Variants in KLHL1 observed in about 807,000 individuals in gnomAD.
KLHL1 encodes kelch like family member 1.
In KLHL1, 47 loss-of-function variants were observed where a neutral mutation model predicts 77.7. That is an observed-to-expected ratio of 0.60 (90% CI 0.48 to 0.77). The LOEUF (loss-of-function observed/expected upper bound fraction) is 0.77. Ranked by LOEUF, KLHL1 falls within the 30% of genes least tolerant of loss-of-function variation. The pLI is 0.00. For synonymous variants in KLHL1, 360 were observed against 325.2 expected, an observed-to-expected ratio of 1.11 and a Z score of -1.15; for missense variants, 925 against 910.8, an observed-to-expected ratio of 1.02 and a Z score of -0.20.
At chr13:70,026,701 AG>A (rs879829764) in intron 1 of KLHL1, among the ~76,000 whole-genome samples, 88,261 of 139,284 alleles carry the variant, frequency 0.63, 28,012 homozygotes, top group East Asian at 0.82. Flanking sequence ...TTAAGAACTT[AG>A]GGTGTGTGTG....
intron 4 of KLHL1, among the ~76,000 whole-genome samples, chr13:69,890,102 G>T (rs9599521): frequency 0.076 from 11,599 of 151,740 alleles, 475 homozygotes; most frequent in Middle Eastern, 0.1. Flanking sequence ...CTAGTGAGGG[G>T]GACAGTATAG....
At chr13:69,971,726 A>G (rs1439110668) in intron 2 of KLHL1, among the ~76,000 whole-genome samples, 3 of 152,034 alleles carry the variant, frequency 2.0e-5, no homozygotes, top group African/African-American at 7.2e-5. Flanking sequence ...GTTATTTGCA[A>G]CTATAATAAT....
At chr13:69,771,716 GCTT>G (rs1244423613) in intron 7 of KLHL1, among the ~76,000 whole-genome samples, 2 of 152,004 alleles carry the variant, frequency 1.3e-5, no homozygotes, top group Non-Finnish European at 2.9e-5. Flanking sequence ...AGATTTGGGG[GCTT>G]CTTCATTGAT....
chr13:69,723,840 A>ATTTT (rs746350927), intron 8 of KLHL1, among the ~76,000 whole-genome samples: 5,778 of 58,122 alleles, frequency 0.099, 435 homozygotes, highest in African/African-American at 0.2. Context: ...GCCAGTCAGA[A>ATTTT]TTTTTTTTTT....
At chr13:69,896,778 C>T (rs1881659859) in intron 4 of KLHL1, among the ~76,000 whole-genome samples, 1 of 151,692 alleles carries the variant, frequency 6.6e-6, no homozygotes, top group Non-Finnish European at 1.5e-5. Flanking sequence ...AAGCAATTCT[C>T]CTGCCTCAGC....
chr13:69,796,402 C>T (rs1877108966), intron 7 of KLHL1, among the ~76,000 whole-genome samples: 1 of 152,168 alleles, frequency 6.6e-6, no homozygotes, highest in African/African-American at 2.4e-5. Flanking sequence ...GTAATGAGGT[C>T]TTGTTCTATT....
rs943767149 is a variant in KLHL1, at chr13:69,740,432, A to G, written c.1764T>C (p.Ile588=). 7 of 1,610,438 alleles carry G rather than the reference A, an allele frequency of 4.3e-6. No individual in the cohort carries two copies. The African/African-American group carries it at 8.0e-5, about 18-fold the overall frequency. The change falls in exon 8 of 11, where the codon ATT becomes ATC. Residue 588 remains isoleucine, a synonymous_variant. Coordinates refer to ENST00000377844, the MANE Select transcript of KLHL1 (RefSeq NM_020866.3). Reference sequence around the variant, plus strand: ...CTGCTACACCAACTGTGCTCCGAGCAATTGACATACTGGCTACAAATGTCC... The same window carrying G: ...CTGCTACACCAACTGTGCTCCGAGCGATTGACATACTGGCTACAAATGTCC... ...QQWTFVASMS[I]ARSTVGVAAL... is the part of the protein sequence containing the mutation.
At chr13:70,059,418 C>T (rs1488526839) in intron 1 of KLHL1, among the ~76,000 whole-genome samples, 2 of 152,150 alleles carry the variant, frequency 1.3e-5, no homozygotes, top group Non-Finnish European at 2.9e-5. Context: ...GATCCACCTG[C>T]CTTGGCCTCC....
chr13:69,978,623 A>G lies in KLHL1; in HGVS notation c.498-2821T>C, dbSNP rs1230234121. 2.0e-5 allele frequency among the ~76,000 whole-genome samples: 3 copies of G among 151,550 alleles called. No homozygotes were observed. In the South Asian group the frequency reaches 6.3e-4, roughly 32 times the overall value. On this transcript the variant is annotated intron_variant, in intron 1 of 10. Transcript: ENST00000377844. Reference sequence around the variant, plus strand: ...TGCCTCAGCCTCCTGAGTAGCTGGGATTACAGGCATGCACCACCATGCCCG... The same window carrying G: ...TGCCTCAGCCTCCTGAGTAGCTGGGGTTACAGGCATGCACCACCATGCCCG...
chr13:69,738,413 G>C (rs1384868863), intron 8 of KLHL1, among the ~76,000 whole-genome samples: 2 of 152,130 alleles, frequency 1.3e-5, no homozygotes, highest in African/African-American at 4.8e-5. Context: ...CGAATTGAGA[G>C]AAGCAGGCTT....
intron 9 of KLHL1, among the ~76,000 whole-genome samples, chr13:69,709,566 A>T (rs962932148): frequency 6.6e-6 from 1 of 152,090 alleles, no homozygotes; most frequent in African/African-American, 2.4e-5. Context: ...ACATTTTGGA[A>T]TATCAGTGAG....
chr13:69,815,989 TAATC>T (rs931893814), intron 6 of KLHL1, among the ~76,000 whole-genome samples: 47 of 151,986 alleles, frequency 3.1e-4, no homozygotes, highest in African/African-American at 1.0e-3. Flanking sequence ...TAAAACATAT[TAATC>T]AAGAGGAAAA....
At chr13:69,981,501 C>T (rs1028231236) in intron 1 of KLHL1, among the ~76,000 whole-genome samples, 4 of 151,394 alleles carry the variant, frequency 2.6e-5, no homozygotes, top group African/African-American at 9.7e-5. Flanking sequence ...TAGACAAAGA[C>T]CTGAATGTAG....
At chr13:70,076,772 A>C (rs1326460950) in intron 1 of KLHL1, among the ~76,000 whole-genome samples, 2 of 151,956 alleles carry the variant, frequency 1.3e-5, no homozygotes, top group Non-Finnish European at 2.9e-5. Flanking sequence ...ATACACAAAG[A>C]ACTCCAAAAC....
intron 6 of KLHL1, 102 bp from the exon 7 acceptor site, chr13:69,797,064 T>C: frequency 2.2e-6 from 2 of 903,240 alleles, no homozygotes; most frequent in South Asian, 3.3e-5. Flanking sequence ...TCTTGTCATA[T>C]TCATTTTTTT....
At position 69,700,965 on chromosome 13, in the gene KLHL1, C is replaced by A. The variant is rs1875364915; in HGVS notation, c.*737G>T. On this transcript the variant is annotated 3_prime_UTR_variant, in exon 11 of 11. Coordinates refer to ENST00000377844, the MANE Select transcript of KLHL1 (RefSeq NM_020866.3). ...CAAAAGCCCAATAATTACACTGCAT[C>A]TTTGGCTCAGTGTGTTAAAAAAGCA... 1 of 152,316 alleles carries A rather than the reference C, an allele frequency of 6.6e-6. No individual in the cohort carries two copies. Among genetic ancestry groups the A allele is most frequent in the Non-Finnish European group, 1.5e-5 (1 of 67,832 alleles). The allele number at this position is 152,316 out of a possible 1,614,324, so 9.4% of individuals were successfully genotyped here. A position where few individuals can be genotyped will look rare whatever the true frequency, so the allele number is the denominator to read the frequency against.
chr13:69,769,489 C>T (rs1875461053), intron 7 of KLHL1, among the ~76,000 whole-genome samples: 1 of 152,154 alleles, frequency 6.6e-6, no homozygotes, highest in African/African-American at 2.4e-5. Flanking sequence ...CAGTGACAGC[C>T]AGAAGCCTGA....
At chr13:69,835,903 C>T (rs530331392) in intron 6 of KLHL1, among the ~76,000 whole-genome samples, 4 of 151,948 alleles carry the variant, frequency 2.6e-5, no homozygotes, top group African/African-American at 7.2e-5. Context: ...CAGAAATAGA[C>T]AACCTCAAAA....
intron 6 of KLHL1, among the ~76,000 whole-genome samples, chr13:69,813,810 T>C (rs1430245433): frequency 1.3e-5 from 2 of 152,192 alleles, no homozygotes; most frequent in Admixed American, 6.5e-5. Context: ...ATCATTAAAA[T>C]GTCCATACTG....
Sources: gnomAD v4.1 joint callset for allele counts (sites outside exome capture counted in the v4.1 genomes callset) on GRCh38, gnomAD v4.1.1 for gene constraint, MANE v1.5 for transcripts, NCBI Gene and HGNC (gene_info 2026-07-23, HGNC 2026-07-21) for gene names.